Variants in DPP6 observed in about 807,000 individuals in gnomAD.
The protein encoded by DPP6 is A-type potassium channel modulatory protein DPP6.
Under a neutral mutation model 122.6 loss-of-function variants are expected in DPP6, and 69 were observed. The ratio of observed to expected loss-of-function variants is 0.56; its 90% CI spans 0.46 to 0.69. The LOEUF is 0.69. DPP6 is among the 30% of genes least tolerant of loss of function. DPP6 has a pLI of 0.00. For synonymous variants in DPP6, 418 were observed against 433.1 expected (o/e 0.97, Z 0.43); for missense variants, 928 against 1,116.9 (o/e 0.83, Z 2.41).
intron 1 of DPP6, among the ~76,000 whole-genome samples, chr7:153,979,894 C>A (rs561073488): frequency 6.6e-6 from 1 of 152,252 alleles, no homozygotes; most frequent in South Asian, 2.1e-4. Context: ...AGAGTTGAAG[C>A]CGAGTTGATC....
At chr7:154,266,400 G>A (rs192339800) in intron 1 of DPP6, among the ~76,000 whole-genome samples, 4 of 152,206 alleles carry the variant, frequency 2.6e-5, no homozygotes, top group Admixed American at 2.6e-4. Flanking sequence ...GCCTCCCAAA[G>A]TGACCCCATC....
chr7:154,274,021 G>T (rs149763145), intron 1 of DPP6, among the ~76,000 whole-genome samples: 84 of 152,310 alleles, frequency 5.5e-4, no homozygotes, highest in Middle Eastern at 3.4e-3. Context: ...ACAGTGTCTT[G>T]TTGAGGGTTG....
intron 7 of DPP6, among the ~76,000 whole-genome samples, chr7:154,681,835 A>G (rs1184991925): frequency 1.3e-5 from 2 of 152,226 alleles, no homozygotes; most frequent in African/African-American, 4.8e-5. Flanking sequence ...CACTTACTGT[A>G]GCAGTTAATC....
chr7:154,888,184 G>T (rs933321797), intron 23 of DPP6, among the ~76,000 whole-genome samples: 1 of 151,002 alleles, frequency 6.6e-6, no homozygotes, highest in Non-Finnish European at 1.5e-5. Flanking sequence ...TGCCTCCCAG[G>T]TTCAAGCAAT....
intron 1 of DPP6, among the ~76,000 whole-genome samples, chr7:153,903,582 G>C (rs1799728018): frequency 6.6e-6 from 1 of 152,152 alleles, no homozygotes; most frequent in African/African-American, 2.4e-5. Flanking sequence ...GGGCTTGCTA[G>C]ACAACAAGGA....
At chr7:154,157,978 A>T (rs1294671375) in intron 1 of DPP6, among the ~76,000 whole-genome samples, 1 of 148,284 alleles carries the variant, frequency 6.7e-6, no homozygotes, top group East Asian at 1.9e-4. Flanking sequence ...TATGTATATA[A>T]ATATATATAC....
At chr7:154,243,390 C>A (rs1179667091) in intron 1 of DPP6, among the ~76,000 whole-genome samples, 2 of 152,024 alleles carry the variant, frequency 1.3e-5, no homozygotes, top group African/African-American at 4.8e-5. Context: ...TAAAGGAAAA[C>A]ATGGTCATAA....
At chr7:154,785,272 C>T (rs1325211830) in intron 10 of DPP6, among the ~76,000 whole-genome samples, 1 of 152,158 alleles carries the variant, frequency 6.6e-6, no homozygotes, top group Admixed American at 6.5e-5. Flanking sequence ...ACCCATCTCA[C>T]CCCCAGATGG....
chr7:154,659,547 T>A (rs933443398), intron 6 of DPP6, among the ~76,000 whole-genome samples: 1 of 152,236 alleles, frequency 6.6e-6, no homozygotes, highest in Admixed American at 6.5e-5. Flanking sequence ...AATAGATTAT[T>A]GCGTCCAACC....
chr7:154,458,539 T>C (rs995382068), intron 2 of DPP6, among the ~76,000 whole-genome samples: 4 of 152,190 alleles, frequency 2.6e-5, no homozygotes, highest in African/African-American at 7.2e-5. Context: ...ACACTTGTAT[T>C]TGGGCCCAGT....
At chr7:153,761,689 T>C in the DPP6 span, among the ~76,000 whole-genome samples, 15 of 152,322 alleles carry the variant, frequency 9.8e-5, no homozygotes, top group Middle Eastern at 3.4e-3. Flanking sequence ...AATGTATAAA[T>C]ATTGAATACT....
At chr7:154,672,804 A>T (rs1838648065) in intron 7 of DPP6, among the ~76,000 whole-genome samples, 1 of 152,184 alleles carries the variant, frequency 6.6e-6, no homozygotes, top group Non-Finnish European at 1.5e-5. Flanking sequence ...GCAGAAGGTC[A>T]GATAGCACAT....
At chr7:154,761,218 T>C (rs979742810) in intron 8 of DPP6, among the ~76,000 whole-genome samples, 1 of 152,206 alleles carries the variant, frequency 6.6e-6, no homozygotes, top group African/African-American at 2.4e-5. Flanking sequence ...TGGGCATAGC[T>C]CTTTCCTCCT....
chr7:154,517,754 G>A (rs975220665), intron 3 of DPP6, among the ~76,000 whole-genome samples: 4 of 152,082 alleles, frequency 2.6e-5, no homozygotes, highest in Admixed American at 1.3e-4. Flanking sequence ...AAATGACAGC[G>A]GTGTTGTGTC....
chr7:154,198,497 A>G (rs1255359528), intron 1 of DPP6, among the ~76,000 whole-genome samples: 5 of 152,012 alleles, frequency 3.3e-5, no homozygotes, highest in African/African-American at 1.2e-4. Flanking sequence ...TATTCTTAGT[A>G]GAGATGGAGT....
chr7:154,082,279 T>C (rs1804070423), intron 1 of DPP6, among the ~76,000 whole-genome samples: 2 of 152,178 alleles, frequency 1.3e-5, no homozygotes, highest in Non-Finnish European at 2.9e-5. Context: ...ATATCTCTTC[T>C]ACATTCATCT....
chr7:154,886,625 C>G (rs1377045335), intron 22 of DPP6, among the ~76,000 whole-genome samples: 1 of 152,210 alleles, frequency 6.6e-6, no homozygotes, highest in Non-Finnish European at 1.5e-5. Flanking sequence ...GCTGTCCCCA[C>G]CCTAAGCAGC....
chr7:154,060,897 A>AG (rs1373949798), intron 1 of DPP6, among the ~76,000 whole-genome samples: 1 of 143,048 alleles, frequency 7.0e-6, no homozygotes, highest in African/African-American at 2.5e-5. Context: ...ACCCCCCACG[A>AG]GGCGGGGACT....
At chr7:154,067,607 A>G (rs1802822991) in intron 1 of DPP6, among the ~76,000 whole-genome samples, 1 of 152,122 alleles carries the variant, frequency 6.6e-6, no homozygotes, top group African/African-American at 2.4e-5. Flanking sequence ...CAGGCCTCAG[A>G]TGACTTTTTT....
Sources: gnomAD v4.1 joint callset for allele counts (sites outside exome capture counted in the v4.1 genomes callset) on GRCh38, gnomAD v4.1.1 for gene constraint, MANE v1.5 for transcripts, NCBI Gene and HGNC (gene_info 2026-07-23, HGNC 2026-07-21) for gene names.